R3HDM1: variants seen among roughly 807,000 people sequenced by gnomAD.
The protein encoded by R3HDM1 is R3H domain-containing protein 1.
A neutral mutation model predicts 141.1 loss-of-function variants in R3HDM1; 46 were observed. That is an observed-to-expected ratio of 0.33 (90% CI 0.26 to 0.42). The LOEUF (loss-of-function observed/expected upper bound fraction) is 0.42. R3HDM1 is among the 10% of genes least tolerant of loss of function. The pLI is 1.00. For synonymous variants in R3HDM1, 435 were observed against 472.9 expected (o/e 0.92, Z 1.04); for missense variants, 1,184 against 1,368.3 (o/e 0.87, Z 2.12).
intron 5 of R3HDM1, chr2:135,620,674 A>G (rs1039678698): frequency 2.3e-5 from 22 of 953,566 alleles, no homozygotes; most frequent in Non-Finnish European, 2.4e-5. Flanking sequence ...TTTTATCTTT[A>G]GTAAAACTGG....
intron 18 of R3HDM1, among the ~76,000 whole-genome samples, chr2:135,658,593 C>G (rs2066235100): frequency 6.6e-6 from 1 of 152,182 alleles, no homozygotes. Flanking sequence ...CTGTAGACTT[C>G]ATAAACACTC....
chr2:135,688,041 A>C (rs148976127), intron 21 of R3HDM1, among the ~76,000 whole-genome samples: 1 of 152,328 alleles, frequency 6.6e-6, no homozygotes, highest in Non-Finnish European at 1.5e-5. Flanking sequence ...TCAGTGTGGC[A>C]AAAAAGTTTG....
In R3HDM1 at chr2:135,561,337, T is replaced by C. The variant is rs902247895; in HGVS notation, c.-250+29704T>C. 5 of 982,924 alleles carry C rather than the reference T, an allele frequency of 5.1e-6. No homozygotes were observed. In the African/African-American group the frequency reaches 8.7e-5, roughly 17 times the overall value. The allele number at this position is 982,924 out of a possible 1,614,324, so 60.9% of individuals were successfully genotyped here. On this transcript the variant is annotated intron_variant, in intron 1 of 26. Coordinates refer to ENST00000683871, the MANE Select transcript of R3HDM1 (RefSeq NM_001378107.1). ...GATAAGTTTTATATTTTGTGGCAGC[T>C]TTTCATTATCCAAAGATAGTTTTCA...
chr2:135,574,439 C>T (rs1704897301), intron 1 of R3HDM1, among the ~76,000 whole-genome samples: 1 of 152,186 alleles, frequency 6.6e-6, no homozygotes, highest in Non-Finnish European at 1.5e-5. Flanking sequence ...AGTTCCACTG[C>T]TGCATAAATT....
intron 21 of R3HDM1, among the ~76,000 whole-genome samples, chr2:135,689,827 T>A (rs182135980): frequency 1.3e-3 from 194 of 152,296 alleles, no homozygotes; most frequent in Admixed American, 3.6e-3. Context: ...AGAAAATTAG[T>A]TTGATACCAG....
chr2:135,566,810 C>T, intron 1 of R3HDM1: 1 of 976,806 alleles, frequency 1.0e-6, no homozygotes, highest in Non-Finnish European at 1.2e-6. Context: ...CCCGTCTCTA[C>T]AAAAATACGA....
chr2:135,637,048 A>G (rs2063332923), intron 11 of R3HDM1, among the ~76,000 whole-genome samples: 1 of 152,198 alleles, frequency 6.6e-6, no homozygotes, highest in Admixed American at 6.5e-5. Flanking sequence ...AAAATGGCAG[A>G]GTTGGGATTT....
chr2:135,546,832 T>A (rs1698792790), intron 1 of R3HDM1, among the ~76,000 whole-genome samples: 2 of 152,038 alleles, frequency 1.3e-5, no homozygotes, highest in Non-Finnish European at 2.9e-5. Context: ...CTACCATGCC[T>A]GGCTAATTTT....
In R3HDM1 at chr2:135,630,281, C is replaced by CAAAAAA. The variant is rs911009655; in HGVS notation, c.498-1415_498-1410dup. ...AACAAGAGCGAAACTCCTTCTCAAC[C>CAAAAAA]AAAAAAAAAAAAAAAAAAAAAAAAA... is the stretch of plus-strand genomic sequence containing the variant. On this transcript the variant is annotated intron_variant, in intron 7 of 26. Transcript: ENST00000683871. Among the ~76,000 whole-genome samples, 172 of 39,322 alleles carry CAAAAAA rather than the reference C, an allele frequency of 4.4e-3. 2 individuals carry two copies. The highest frequency in any genetic ancestry group is 5.8e-3 in the Non-Finnish European group (115 of 19,986). 25.8% of individuals were successfully genotyped at this position (39,322 alleles called of 152,430 possible).
At chr2:135,683,941 C>T (rs944510031) in intron 21 of R3HDM1, among the ~76,000 whole-genome samples, 2 of 148,996 alleles carry the variant, frequency 1.3e-5, no homozygotes, top group African/African-American at 5.0e-5. Context: ...CAGAGTGATA[C>T]TCTGTCTCAT....
intron 20 of R3HDM1, 32 bp from the exon 21 acceptor site, chr2:135,680,140 CT>C (rs1478163449): frequency 6.3e-7 from 1 of 1,599,762 alleles, no homozygotes; most frequent in Non-Finnish European, 8.5e-7. Context: ...TGAAAAAAAC[CT>C]TTTTCTCTTG....
Position 135,631,773 on chromosome 2 carries a change from A to C in R3HDM1, c.553A>C (p.Asn185His). The C allele has an allele frequency of 6.4e-7, 1 of 1,571,218 alleles. No homozygotes were observed. Among genetic ancestry groups the C allele is most frequent in the South Asian group, 1.2e-5 (1 of 83,282 alleles). The stretch of plus-strand genomic sequence containing the variant: ...AGAAATTTTAGATTTCATTGGTAAT[A>C]ATGAGTAAGTCCTGACATTCAACAA... ...EQEILDFIGN[N>H]ESPRKKFPPM... Residue 185 changes from asparagine to histidine, a missense_variant, in exon 8 of 27, where the codon AAT (asparagine) becomes CAT (histidine). Around this residue, in one of 5 missense-constraint regions of R3HDM1, gnomAD observed 192 missense variants for 215.7 expected, o/e 0.89. Transcript: ENST00000683871.
chr2:135,540,738 C>T (rs868373938), intron 1 of R3HDM1, among the ~76,000 whole-genome samples: 3 of 152,112 alleles, frequency 2.0e-5, no homozygotes, highest in Non-Finnish European at 4.4e-5. Flanking sequence ...TGGCATCTAG[C>T]GTGATGAATC....
intron 19 of R3HDM1, among the ~76,000 whole-genome samples, chr2:135,661,863 G>C (rs2066765830): frequency 6.6e-6 from 1 of 152,140 alleles, no homozygotes; most frequent in South Asian, 2.1e-4. Context: ...GATGTACTTA[G>C]CATATTTTCT....
intron 1 of R3HDM1, 117 bp downstream of exon 1, chr2:135,531,750 T>G (rs940684283): frequency 1.2e-5 from 12 of 985,536 alleles, no homozygotes; most frequent in Non-Finnish European, 1.1e-5. Flanking sequence ...GGGAGAGATG[T>G]GGTGTGTGGA....
chr2:135,575,746 T>G (rs1705278879), intron 1 of R3HDM1, among the ~76,000 whole-genome samples: 1 of 152,154 alleles, frequency 6.6e-6, no homozygotes, highest in Non-Finnish European at 1.5e-5. Flanking sequence ...AGGAAGAAAC[T>G]TTTTCAATAC....
intron 1 of R3HDM1, among the ~76,000 whole-genome samples, chr2:135,595,764 G>C (rs2059122269): frequency 6.6e-6 from 1 of 152,126 alleles, no homozygotes; most frequent in Non-Finnish European, 1.5e-5. Context: ...ACAGTGCTCT[G>C]TACATAGTAT....
chr2:135,543,352 CTGTT>C (rs934343074), intron 1 of R3HDM1, among the ~76,000 whole-genome samples: 11 of 150,550 alleles, frequency 7.3e-5, no homozygotes, highest in African/African-American at 2.7e-4. Context: ...CAGTGCCACA[CTGTT>C]TGATTATGTA....
intron 20 of R3HDM1, among the ~76,000 whole-genome samples, chr2:135,676,687 T>G (rs977188039): frequency 1.3e-5 from 2 of 152,214 alleles, no homozygotes; most frequent in Non-Finnish European, 2.9e-5. Flanking sequence ...GGAAGGCACC[T>G]GTAATGTCAG....
Sources: allele counts gnomAD v4.1 joint callset (sites outside exome capture counted in the v4.1 genomes callset), GRCh38; gene constraint gnomAD v4.1.1; regional missense constraint gnomAD v4.1.1; transcripts MANE v1.5; gene names NCBI Gene and HGNC (gene_info 2026-07-23, HGNC 2026-07-21).